CARF: variants seen among roughly 807,000 people sequenced by gnomAD.
CARF encodes the protein calcium-responsive transcription factor.
A neutral mutation model predicts 82.0 loss-of-function variants in CARF; 57 were observed. That is an observed-to-expected ratio of 0.70 (90% confidence interval 0.56 to 0.87). The LOEUF is 0.87. Among genes scored for constraint, CARF ranks in the 40% least tolerant of loss-of-function variants. CARF has a pLI of 0.00. For synonymous variants in CARF, 268 were observed against 290.1 expected (o/e 0.92, Z 0.77); for missense variants, 771 against 855.8 (o/e 0.90, Z 1.24).
chr2:202,977,343 T>A lies in CARF; in HGVS notation c.1558+11T>A. The A allele has an allele frequency of 1.3e-6, 2 of 1,576,498 alleles. No homozygotes were observed. Among genetic ancestry groups the A allele is most frequent in the Middle Eastern group, 3.3e-4 (2 of 5,976 alleles). On this transcript the variant is annotated intron_variant, in intron 14 of 16. Transcript: ENST00000438828. ...TTACATTTGCAGAAGGTAGGTTTTC[T>A]TGAATACCTTTAAAATATAAATTCA... is the stretch of plus-strand genomic sequence containing the variant.
In CARF at chr2:202,974,384, A is replaced by G; in HGVS notation, c.1382A>G (p.His461Arg). ...AAACCCGATGAGGTACCTGAAAGACATAATTTATCTTTTTTTCCAACTGTA... is the reference window on the plus strand; with the variant it reads ...AAACCCGATGAGGTACCTGAAAGACGTAATTTATCTTTTTTTCCAACTGTA... The part of the protein sequence containing the change: ...LFKPDEVPER[H>R]NLSFFPTVND... Residue 461 changes from histidine (H) to arginine (R), a missense_variant, in exon 13 of 17, where the codon CAT (histidine) becomes CGT (arginine). Transcript: ENST00000438828. 2 of 1,609,726 alleles carry G rather than the reference A, an allele frequency of 1.2e-6. No individual in the cohort carries two copies. Among genetic ancestry groups the G allele is most frequent in the Non-Finnish European group, 1.7e-6 (2 of 1,179,052 alleles).
intron 3 of CARF, among the ~76,000 whole-genome samples, chr2:202,939,670 C>T (rs2058122041): frequency 1.3e-5 from 2 of 149,998 alleles, no homozygotes; most frequent in Admixed American, 6.7e-5. Context: ...TTTAACTTAC[C>T]CATTGCCTTT....
rs1300733209 is a variant in CARF at position 202,986,889 on chromosome 2, T to TACATATATATATACATATAC, written c.*3266_*3267insCATATATATATACATATACA. Reference sequence around the variant, plus strand: ...GTGCGTATATATATATATATATATATATATATATATATATATATAGCAACT... The same window carrying TACATATATATATACATATAC: ...GTGCGTATATATATATATATATATATACATATATATATACATATACATATATATATATATATATAGCAACT... On this transcript the variant is annotated 3_prime_UTR_variant, in exon 17 of 17. Coordinates refer to ENST00000438828, the MANE Select transcript of CARF (RefSeq NM_024744.17). 1 of 127,824 alleles carries TACATATATATATACATATAC rather than the reference T, an allele frequency of 7.8e-6. No individual in the cohort carries two copies. The highest frequency in any genetic ancestry group is 1.7e-5 in the Non-Finnish European group (1 of 58,714). 7.9% of individuals were successfully genotyped at this position (127,824 alleles called of 1,614,324 possible). A position where few individuals can be genotyped will look rare whatever the true frequency, so the allele number is the denominator to read the frequency against.
intron 3 of CARF, among the ~76,000 whole-genome samples, chr2:202,936,970 G>T (rs1449427783): frequency 1.3e-5 from 2 of 151,940 alleles, no homozygotes; most frequent in Non-Finnish European, 2.9e-5. Context: ...TTTTATTTTT[G>T]GTATGTAATA....
chr2:202,976,547 G>A (rs764755477), intron 13 of CARF, among the ~76,000 whole-genome samples: 1 of 152,070 alleles, frequency 6.6e-6, no homozygotes, highest in African/African-American at 2.4e-5. Flanking sequence ...CTACTCTGAA[G>A]AGATTAATTA....
intron 1 of CARF, among the ~76,000 whole-genome samples, chr2:202,914,521 C>A (rs1448946811): frequency 2.0e-5 from 3 of 151,950 alleles, no homozygotes; most frequent in Non-Finnish European, 2.9e-5. Context: ...AAAGAGCAGC[C>A]TAATCCCAGC....
At chr2:202,966,106 A>G (rs1217658081) in intron 9 of CARF, among the ~76,000 whole-genome samples, 1 of 152,220 alleles carries the variant, frequency 6.6e-6, no homozygotes. Flanking sequence ...TTCAAGCAAG[A>G]GTAAGAGAGA....
At chr2:202,925,092 G>A (rs1480500418) in intron 3 of CARF, 5 of 407,038 alleles carry the variant, frequency 1.2e-5, no homozygotes, top group Non-Finnish European at 2.4e-5. Flanking sequence ...AGCAGCAACT[G>A]GACACACTGA....
At chr2:202,945,887 A>T (rs865962467) in intron 5 of CARF, among the ~76,000 whole-genome samples, 2 of 152,198 alleles carry the variant, frequency 1.3e-5, no homozygotes, top group Non-Finnish European at 2.9e-5. Context: ...GAATCACCAT[A>T]CTGCTTTCTA....
At chr2:202,960,766 TCTCCTTCC>T (rs547647136) in intron 8 of CARF, among the ~76,000 whole-genome samples, 2 of 139,378 alleles carry the variant, frequency 1.4e-5, no homozygotes, top group African/African-American at 5.1e-5. Context: ...TCCCTCCTTC[TCTCCTTCC>T]CTCCTTCCCT....
At chr2:202,967,428 A>G (rs2059600390) in intron 10 of CARF, among the ~76,000 whole-genome samples, 1 of 152,158 alleles carries the variant, frequency 6.6e-6, no homozygotes, top group Non-Finnish European at 1.5e-5. Context: ...TTTTCTTGAT[A>G]TGAATTCACA....
chr2:202,935,489 T>C (rs1693784486), intron 3 of CARF, among the ~76,000 whole-genome samples: 2 of 151,990 alleles, frequency 1.3e-5, no homozygotes, highest in African/African-American at 4.8e-5. Flanking sequence ...TCACACAGGC[T>C]GGAGTGCAGT....
At position 202,945,310 on chromosome 2, in the gene CARF, G is replaced by GTT. The variant is rs542373138; in HGVS notation, c.306+2347_306+2348dup. ...CTATTTGGTGTTTTTTTGTTTTATT[G>GTT]TTTTTGTTTTATTTACTTTTAACTT... On this transcript the variant is annotated intron_variant, in intron 5 of 16. Coordinates refer to ENST00000438828, the MANE Select transcript of CARF (RefSeq NM_024744.17). Among the ~76,000 whole-genome samples the GTT allele has an allele frequency of 2.9e-3, 447 of 152,094 alleles. 3 individuals carry two copies. The highest frequency in any genetic ancestry group is 0.01 in the African/African-American group (432 of 41,500).
intron 3 of CARF, among the ~76,000 whole-genome samples, chr2:202,935,482 C>T (rs1381789602): frequency 1.3e-5 from 2 of 151,818 alleles, no homozygotes; most frequent in East Asian, 3.9e-4. Flanking sequence ...CATTTTGTCA[C>T]ACAGGCTGGA....
chr2:202,982,602 C>T (rs72932558), intron 16 of CARF, among the ~76,000 whole-genome samples, 161 bp downstream of exon 16: 2 of 152,044 alleles, frequency 1.3e-5, no homozygotes, highest in African/African-American at 2.4e-5. Flanking sequence ...CATTACCCTG[C>T]GTTTCAGAAC....
In CARF at chr2:202,912,891, C is replaced by A. The variant is rs1688894770; in HGVS notation, c.-541C>A. Reference sequence around the variant, plus strand: ...AAATCATCCTCCCACACCTTCTCCCCGACTTTTTGCCTTTTTTGTCTTGAA... The same window carrying A: ...AAATCATCCTCCCACACCTTCTCCCAGACTTTTTGCCTTTTTTGTCTTGAA... On this transcript the variant is annotated 5_prime_UTR_variant, in exon 1 of 17. Transcript: ENST00000438828. 6.6e-6 allele frequency: 1 copy of A among 152,112 alleles called. No individual in the cohort carries two copies. The highest frequency in any genetic ancestry group is 1.5e-5 in the Non-Finnish European group (1 of 68,024). The allele number at this position is 152,112 out of a possible 1,614,324, so 9.4% of individuals were successfully genotyped here.
intron 12 of CARF, among the ~76,000 whole-genome samples, chr2:202,972,458 C>G (rs187668912): frequency 6.6e-6 from 1 of 151,994 alleles, no homozygotes; most frequent in East Asian, 1.9e-4. Flanking sequence ...GAGGGCAGAT[C>G]ATGAGGTCAG....
Position 202,967,095 on chromosome 2 carries a change from C to G in CARF, c.950C>G (p.Ala317Gly), listed in dbSNP as rs555218370. 1 of 1,610,580 alleles carries G rather than the reference C, an allele frequency of 6.2e-7. No homozygotes were observed. The highest frequency in any genetic ancestry group is 1.1e-5 in the South Asian group (1 of 90,392). ...CAGCTCTACAAAGCCACTTGTCCAG[C>G]TCGGTAAGCTTTATTTTCTTTTATT... ...SCQLYKATCP[A>G]RIYIKKVQKF... Residue 317 changes from alanine to glycine, a missense_variant, in exon 10 of 17, where the codon GCT becomes GGT. Transcript: ENST00000438828.
chr2:202,986,533 T>C lies in CARF; in HGVS notation c.*2909T>C, dbSNP rs1363569496. On this transcript the variant is annotated 3_prime_UTR_variant, in exon 17 of 17. Coordinates refer to ENST00000438828, the MANE Select transcript of CARF (RefSeq NM_024744.17). Reference sequence around the variant, plus strand: ...AGTTTCCACATTTCCAACTTCCAAGTGAACTTTATATATACTACAGTGAAT... The same window carrying C: ...AGTTTCCACATTTCCAACTTCCAAGCGAACTTTATATATACTACAGTGAAT... 1 of 152,064 alleles carries C rather than the reference T, an allele frequency of 6.6e-6. No homozygotes were observed. Among genetic ancestry groups the C allele is most frequent in the Admixed American group, 6.6e-5 (1 of 15,252 alleles). 9.4% of individuals were successfully genotyped at this position (152,064 alleles called of 1,614,324 possible).
Sources: gnomAD v4.1 joint callset for allele counts (sites outside exome capture counted in the v4.1 genomes callset) on GRCh38, gnomAD v4.1.1 for gene constraint, MANE v1.5 for transcripts, NCBI Gene and HGNC (gene_info 2026-07-23, HGNC 2026-07-21) for gene names.